Variants in HPS1 observed in about 807,000 individuals in gnomAD.
The protein encoded by HPS1 is BLOC-3 complex member HPS1.
In HPS1, 59 loss-of-function variants were observed where a neutral mutation model predicts 90.6. The observed-to-expected ratio is 0.65, with a 90% CI of 0.53 to 0.81. The LOEUF (loss-of-function observed/expected upper bound fraction) is 0.81, where lower values mean the gene tolerates loss of function less well. HPS1 is among the 30% of genes least tolerant of loss of function. The pLI, the probability that HPS1 is intolerant of heterozygous loss-of-function variation, is 0.00. For synonymous variants in HPS1, 388 were observed against 384.4 expected, an observed-to-expected ratio of 1.01 and a Z score of -0.11; for missense variants, 849 against 896.7, an observed-to-expected ratio of 0.95 and a Z score of 0.68.
chr10:98,420,363 G>A (rs1047620082), intron 17 of HPS1: 5 of 574,070 alleles, frequency 8.7e-6, no homozygotes, highest in Admixed American at 5.5e-5. Context: ...CAGTTAGCGT[G>A]GGGGCAAAAT....
intron 10 of HPS1, among the ~76,000 whole-genome samples, chr10:98,428,342 T>A (rs186351879): frequency 1.8e-3 from 279 of 152,324 alleles, no homozygotes; most frequent in Non-Finnish European, 3.6e-3. Context: ...TGAGTCAGCA[T>A]CTCCGGGTAC....
chr10:98,440,178 AT>A (rs1339983158), intron 3 of HPS1, among the ~76,000 whole-genome samples: 1 of 152,202 alleles, frequency 6.6e-6, no homozygotes, highest in Non-Finnish European at 1.5e-5. Flanking sequence ...GGAGATAAAA[AT>A]ATTTGGTGTA....
rs1846941722 is a variant in HPS1 at position 98,434,107 on chromosome 10, G to C, written c.399-16C>G. On this transcript the variant is annotated splice_polypyrimidine_tract_variant and intron_variant, in intron 5 of 19. Transcript: ENST00000361490. ...GGGCCGCAGCCTGGGGGCAGAGCCA[G>C]AGAGGGCGGGAGAGATCACAAGAAA... The C allele has an allele frequency of 6.5e-7, 1 of 1,545,098 alleles. No homozygotes were observed. The highest frequency in any genetic ancestry group is 1.4e-5 in the African/African-American group (1 of 73,010).
At chr10:98,443,549 G>A (rs1195832797) in intron 2 of HPS1, among the ~76,000 whole-genome samples, 1 of 152,188 alleles carries the variant, frequency 6.6e-6, no homozygotes, top group Non-Finnish European at 1.5e-5. Flanking sequence ...TCTCAGCACA[G>A]CAACAGACCC....
At chr10:98,428,649 C>T (rs1054050336) in intron 10 of HPS1, among the ~76,000 whole-genome samples, 10 of 151,784 alleles carry the variant, frequency 6.6e-5, no homozygotes, top group Non-Finnish European at 1.5e-4. Context: ...CCTCCTGAAA[C>T]CCTGGCCTTC....
chr10:98,438,365 CT>C, intron 3 of HPS1, among the ~76,000 whole-genome samples: 1 of 152,302 alleles, frequency 6.6e-6, no homozygotes, highest in African/African-American at 2.4e-5. Context: ...GAACAAAATT[CT>C]GATAGTGATA....
rs766549197 is a variant in HPS1, at chr10:98,417,551, C to A, written c.*13G>T. 1.1e-5 allele frequency: 17 copies of A among 1,604,306 alleles called. No homozygotes were observed. Among genetic ancestry groups the A allele is most frequent in the Non-Finnish European group, 1.4e-5 (16 of 1,175,422 alleles). On this transcript the variant is annotated 3_prime_UTR_variant, in exon 20 of 20. Coordinates refer to ENST00000361490, the MANE Select transcript of HPS1 (RefSeq NM_000195.5). The surrounding 1 kb of genome is among the most constrained non-coding windows in gnomAD (Gnocchi z 4.2). ...GAGGACAGGATGCAAAGGCAGACTGCGGCCACCTTGGCCTAGAGCAGGGGG... is the reference window on the plus strand; with the variant it reads ...GAGGACAGGATGCAAAGGCAGACTGAGGCCACCTTGGCCTAGAGCAGGGGG...
chr10:98,423,541 G>T, intron 16 of HPS1, 62 bp downstream of exon 16: 3 of 1,471,224 alleles, frequency 2.0e-6, no homozygotes, highest in Non-Finnish European at 2.9e-6. Flanking sequence ...CCAGGGAGCA[G>T]GTGTAGAGGC....
At chr10:98,443,988 G>C (rs533153052) in intron 2 of HPS1, among the ~76,000 whole-genome samples, 78 of 152,050 alleles carry the variant, frequency 5.1e-4, no homozygotes, top group African/African-American at 1.8e-3. Context: ...AGTGAGCCGA[G>C]ATTACACCAC....
In HPS1 at chr10:98,443,178, C is replaced by T. The variant is rs2136328229; in HGVS notation, c.63G>A (p.Glu21=). The T allele has an allele frequency of 1.2e-6, 2 of 1,614,170 alleles. No homozygotes were observed. Among genetic ancestry groups the T allele is most frequent in the East Asian group, 2.2e-5 (1 of 44,870 alleles). The change falls in exon 3 of 20, where the codon GAG becomes GAA. Residue 21 remains glutamate (E), a synonymous_variant. Transcript: ENST00000361490. ...ACTTCAGCCGGAGACTCTCTTCAAA[C>T]TCCTGATCTGTCCAGTAGAAGAGGA... ...AEVLFYWTDQ[E]FEESLRLKFG...
At chr10:98,418,525 A>G (rs868262920) in intron 18 of HPS1, among the ~76,000 whole-genome samples, 1 of 152,244 alleles carries the variant, frequency 6.6e-6, no homozygotes, top group Non-Finnish European at 1.5e-5. Context: ...ACACACGCTC[A>G]GGAGGGCACC....
In HPS1 at chr10:98,431,197, C is replaced by A; in HGVS notation, c.602G>T (p.Arg201Leu). ...VIQAVNTSPE[R>L]GGEEALHAFL... is the part of the protein sequence containing the mutation. ...GGCATGCAGGGCCTCCTCGCCTCCC[C>A]GCTCGGGGCTGGTGTTGACAGCCTG... Residue 201 changes from arginine to leucine, a missense_variant, in exon 7 of 20, where the codon CGG becomes CTG. By Grantham distance (102) the Arg-to-Leu change is moderately radical. Transcript: ENST00000361490. The A allele has an allele frequency of 6.2e-7, 1 of 1,614,098 alleles. No individual in the cohort carries two copies. Among genetic ancestry groups the A allele is most frequent in the South Asian group, 1.1e-5 (1 of 91,086 alleles).
chr10:98,427,143 C>T (rs1292290003), intron 11 of HPS1, 72 bp downstream of exon 11: 4 of 1,327,776 alleles, frequency 3.0e-6, no homozygotes, highest in Non-Finnish European at 4.2e-6. Context: ...GAGGCGAAAC[C>T]CTCAGAGCCC....
intron 10 of HPS1, 78 bp downstream of exon 10, chr10:98,429,495 G>C (rs1061134): frequency 6.2e-7 from 1 of 1,610,344 alleles, no homozygotes; most frequent in South Asian, 1.1e-5. Flanking sequence ...GGGTCCACTG[G>C]AGCCTAAGAC....
downstream of HPS1, among the ~76,000 whole-genome samples, chr10:98,414,453 G>A (rs890288379): frequency 1.3e-5 from 2 of 152,164 alleles, no homozygotes; most frequent in East Asian, 1.9e-4. Flanking sequence ...GCAAGGCAAT[G>A]GGGTCCATCT....
At chr10:98,422,535 C>A (rs775890841) in intron 16 of HPS1, 22 bp from the exon 17 acceptor site, 7 of 1,613,158 alleles carry the variant, frequency 4.3e-6, no homozygotes, top group Non-Finnish European at 5.9e-6. Flanking sequence ...AGTTAAGGTG[C>A]TTACAAGCCA....
At position 98,435,424 on chromosome 10, in the gene HPS1, C is replaced by T. The variant is rs1236166151; in HGVS notation, c.256-10G>A. 6.2e-7 allele frequency: 1 copy of T among 1,613,732 alleles called. No individual in the cohort carries two copies. Among genetic ancestry groups the T allele is most frequent in the Admixed American group, 1.7e-5 (1 of 60,016 alleles). On this transcript the variant is annotated splice_polypyrimidine_tract_variant and intron_variant, in intron 4 of 19. Transcript: ENST00000361490. This position sits in a 1 kb window ranked among gnomAD's most constrained non-coding sequence, Gnocchi z 4.3. Reference sequence around the variant, plus strand: ...ACAGGCATTCTCCAAACTGCAGGCACAGGCAGGCCAGTGTCAGCCAGCCCC... The same window carrying T: ...ACAGGCATTCTCCAAACTGCAGGCATAGGCAGGCCAGTGTCAGCCAGCCCC...
In HPS1 at chr10:98,423,889, T is replaced by C; in HGVS notation, c.1398-2A>G. On this transcript the variant is annotated splice_acceptor_variant, in intron 14 of 19. Coordinates refer to ENST00000361490, the MANE Select transcript of HPS1 (RefSeq NM_000195.5). LOFTEE classifies it high-confidence loss of function. The stretch of plus-strand genomic sequence containing the variant: ...AGCTTCCCACATGCCTGGAGCAGCC[T>C]GAGCACGAGAGAGGAGGGCATTACA... The C allele has an allele frequency of 3.1e-6, 5 of 1,613,588 alleles. No homozygotes were observed. The highest frequency in any genetic ancestry group is 4.2e-6 in the Non-Finnish European group (5 of 1,179,994).
At chr10:98,416,174 C>T (rs1020060195), downstream of HPS1, 1 of 152,292 alleles carries the variant, frequency 6.6e-6, no homozygotes, top group Non-Finnish European at 1.5e-5. Context: ...ACAGTTACCC[C>T]GCATGTGAGC....
Sources: gnomAD v4.1 joint callset for allele counts (sites outside exome capture counted in the v4.1 genomes callset) on GRCh38, gnomAD v4.1.1 for gene constraint, Gnocchi (gnomAD v3.1) non-coding constraint, MANE v1.5 for transcripts, NCBI Gene and HGNC (gene_info 2026-07-23, HGNC 2026-07-21) for gene names.